Variants in DLEC1 observed in about 807,000 individuals in gnomAD.
DLEC1 encodes DLEC1 cilia and flagella associated protein, also known as deleted in lung and esophageal cancer protein 1.
In DLEC1, 146 loss-of-function variants were observed where a neutral mutation model predicts 198.1. That is an observed-to-expected ratio of 0.74 (90% CI 0.64 to 0.85). The LOEUF is 0.85. Among genes scored for constraint, DLEC1 ranks in the 40% least tolerant of loss-of-function variants. DLEC1 has a pLI of 0.00. For synonymous variants in DLEC1, 897 were observed against 866.8 expected (o/e 1.03, Z -0.61); for missense variants, 2,233 against 2,220.0 (o/e 1.01, Z -0.12).
At chr3:38,095,525 G>T (rs767330839) in intron 13 of DLEC1, 2 of 320,452 alleles carry the variant, frequency 6.2e-6, no homozygotes, top group South Asian at 4.3e-5. Flanking sequence ...GCCATTGTTA[G>T]TGGGTTTGGG....
At chr3:38,119,296 C>A (rs947824052) in intron 33 of DLEC1, among the ~76,000 whole-genome samples, 2 of 152,186 alleles carry the variant, frequency 1.3e-5, no homozygotes, top group Non-Finnish European at 2.9e-5. Flanking sequence ...ATCCCCTCCC[C>A]ACCTTGTCCT....
At chr3:38,054,097 C>T (rs1341971319) in intron 2 of DLEC1, among the ~76,000 whole-genome samples, 2 of 152,008 alleles carry the variant, frequency 1.3e-5, no homozygotes, top group Non-Finnish European at 2.9e-5. Flanking sequence ...ACCAGAGACC[C>T]TTGTTCACTT....
In DLEC1 at chr3:38,043,300, T is replaced by C. The variant is rs1700740056; in HGVS notation, c.412-2243T>C. ...TTAAATGAGTCAATACAGTAAAGCA[T>C]TTACAATATTGAGCATTTACAACAT... On this transcript the variant is annotated intron_variant, in intron 1 of 36. Coordinates refer to ENST00000308059, the MANE Select transcript of DLEC1 (RefSeq NM_007335.4). 2.0e-5 allele frequency among the ~76,000 whole-genome samples: 3 copies of C among 152,198 alleles called. No homozygotes were observed. The South Asian group carries it at 6.2e-4, about 32-fold the overall frequency.
chr3:38,100,758 A>C (rs1308377587), intron 19 of DLEC1, among the ~76,000 whole-genome samples: 1 of 152,202 alleles, frequency 6.6e-6, no homozygotes, highest in African/African-American at 2.4e-5. Context: ...TTATACATGC[A>C]CAGTGGGAGA....
At position 38,088,379 on chromosome 3, in the gene DLEC1, A is replaced by G. The variant is rs1412062468; in HGVS notation, c.1656A>G (p.Ile552Met). Residue 552 changes from isoleucine (I) to methionine (M), a missense_variant, in exon 10 of 37, where the codon ATA (isoleucine) becomes ATG (methionine). Ile to Met is a conservative substitution (Grantham distance 10, BLOSUM62 1). Transcript: ENST00000308059. The part of the protein sequence containing the change: ...SVFELAPGHA[I>M]LVEVLFSPKS... ...TTGAGCTGGCCCCGGGACATGCTAT[A>G]TTAGTGGAGGTAGGTAATCAGACAT... 5.0e-6 allele frequency: 8 copies of G among 1,612,418 alleles called. No homozygotes were observed. The African/African-American group carries it at 5.3e-5, about 11-fold the overall frequency.
intron 6 of DLEC1, among the ~76,000 whole-genome samples, chr3:38,083,151 C>T (rs1698148573): frequency 6.6e-6 from 1 of 151,652 alleles, no homozygotes; most frequent in Non-Finnish European, 1.5e-5. Context: ...GCTCATCGGT[C>T]TGAGGACCTG....
Position 38,056,104 on chromosome 3 carries a change from CACACACACACACAA to C in DLEC1, c.563-3636_563-3623del, listed in dbSNP as rs1243366495. Among the ~76,000 whole-genome samples, 5 of 123,110 alleles carry C rather than the reference CACACACACACACAA, an allele frequency of 4.1e-5. No homozygotes were observed. In the South Asian group the frequency reaches 9.1e-4, roughly 22 times the overall value. The allele number at this position is 123,110 out of a possible 152,430, so 80.8% of individuals were successfully genotyped here. On this transcript the variant is annotated intron_variant, in intron 2 of 36. Coordinates refer to ENST00000308059, the MANE Select transcript of DLEC1 (RefSeq NM_007335.4). ...ACACACACACACACACACACACACA[CACACACACACACAA>C]ATAGCTGAGTGTGGTGGCATGCGCC...
chr3:38,085,352 T>C lies in DLEC1; in HGVS notation c.1340T>C (p.Leu447Pro). 6.2e-7 allele frequency: 1 copy of C among 1,614,124 alleles called. No homozygotes were observed. ...QYIVQFFPDC[L>P]GDFDDFILVE... ...ATTGTCCAGTTTTTTCCCGACTGCC[T>C]TGGGGATTTTGATGATTTTATTTTA... Residue 447 changes from leucine to proline, a missense_variant, in exon 8 of 37, where the codon CTT (leucine) becomes CCT (proline). Leu to Pro is a moderately conservative substitution (Grantham distance 98, BLOSUM62 -3). Transcript: ENST00000308059.
Position 38,116,489 on chromosome 3 carries a change from A to G in DLEC1, c.3893A>G (p.Asp1298Gly), listed in dbSNP as rs866688898. 1 of 1,614,058 alleles carries G rather than the reference A, an allele frequency of 6.2e-7. No homozygotes were observed. Among genetic ancestry groups the G allele is most frequent in the Middle Eastern group, 1.7e-4 (1 of 6,058 alleles). The change falls in exon 28 of 37, where the codon GAC becomes GGC. Residue 1298 changes from aspartate to glycine, a missense_variant. Coordinates refer to ENST00000308059, the MANE Select transcript of DLEC1 (RefSeq NM_007335.4). ...RLDWETYVPE[D>G]KEDRLVELLV... ...GATTGGGAGACCTATGTTCCAGAAG[A>G]CAAGGAAGACCGGCTGGTGGAGCTG...
chr3:38,065,084 C>A (rs1047564472), intron 6 of DLEC1, among the ~76,000 whole-genome samples: 2 of 152,244 alleles, frequency 1.3e-5, no homozygotes, highest in African/African-American at 4.8e-5. Flanking sequence ...CGTCTGCAAT[C>A]CCGGCACCTC....
intron 13 of DLEC1, 54 bp downstream of exon 13, chr3:38,095,125 C>T: frequency 6.3e-7 from 1 of 1,586,584 alleles, no homozygotes; most frequent in Non-Finnish European, 8.6e-7. Flanking sequence ...GTATTTAGAC[C>T]CCCCACCTGT....
At position 38,097,745 on chromosome 3, in the gene DLEC1, G is replaced by A; in HGVS notation, c.2567G>A (p.Gly856Glu). 1 of 1,614,136 alleles carries A rather than the reference G, an allele frequency of 6.2e-7. No homozygotes were observed. Among genetic ancestry groups the A allele is most frequent in the Non-Finnish European group, 8.5e-7 (1 of 1,180,014 alleles). Residue 856 changes from glycine to glutamate, a missense_variant and splice_region_variant, in exon 18 of 37, where the codon GGG becomes GAG. Physicochemically the swap from Gly to Glu is moderately conservative, Grantham distance 98. Coordinates refer to ENST00000308059, the MANE Select transcript of DLEC1 (RefSeq NM_007335.4). The part of the protein sequence containing the change: ...VVLHIEAVFK[G>E]PALIINVSAL... ...TGACAGGCCCTCTGGGTGTCTCAGGGGCCTGCCCTCATCATCAACGTCTCA... is the reference window on the plus strand; with the variant it reads ...TGACAGGCCCTCTGGGTGTCTCAGGAGCCTGCCCTCATCATCAACGTCTCA...
intron 10 of DLEC1, among the ~76,000 whole-genome samples, chr3:38,091,360 G>T (rs1221277077): frequency 1.3e-5 from 2 of 152,104 alleles, no homozygotes; most frequent in African/African-American, 4.8e-5. Context: ...AGCTACTTGG[G>T]AGCTGAAGTG....
chr3:38,095,728 A>C, intron 13 of DLEC1, 160 bp from the exon 14 acceptor site: 1 of 792,536 alleles, frequency 1.3e-6, no homozygotes. Context: ...CACTTTTCCT[A>C]AGGAGGGGAG....
chr3:38,088,549 A>G (rs1213990625), intron 10 of DLEC1, among the ~76,000 whole-genome samples, 161 bp downstream of exon 10: 1 of 152,186 alleles, frequency 6.6e-6, no homozygotes, highest in Non-Finnish European at 1.5e-5. Context: ...GTCAGATGTC[A>G]TTTGACTGTC....
In DLEC1 at chr3:38,059,953, T is replaced by C. The variant is rs1339185488; in HGVS notation, c.673+101T>C. ...TGCCATTTCCTTGCTCAGAGGTTTT[T>C]TTCACCTTTTCTTTAATTTCGATGG... On this transcript the variant is annotated intron_variant, in intron 3 of 36. Transcript: ENST00000308059. The C allele has an allele frequency of 3.1e-6, 3 of 952,746 alleles. No individual in the cohort carries two copies. In the African/African-American group the frequency reaches 5.0e-5, roughly 16 times the overall value. 59.0% of individuals were successfully genotyped at this position (952,746 alleles called of 1,614,324 possible). A position where few individuals can be genotyped will look rare whatever the true frequency, so the allele number is the denominator to read the frequency against.
At position 38,062,775 on chromosome 3, in the gene DLEC1, A is replaced by G; in HGVS notation, c.1068A>G (p.Glu356=). 6.2e-7 allele frequency: 1 copy of G among 1,613,994 alleles called. No homozygotes were observed. The part of the protein sequence containing the change: ...FPPKKPAPIG[E]FQSTEPEQSC... Reference sequence around the variant, plus strand: ...CAAAGAAGCCAGCACCGATAGGAGAATTCCAGAGTACAGAGCCAGAACAGA... The same window carrying G: ...CAAAGAAGCCAGCACCGATAGGAGAGTTCCAGAGTACAGAGCCAGAACAGA... The change falls in exon 5 of 37, where the codon GAA becomes GAG. Residue 356 remains glutamate (E), a synonymous_variant. Coordinates refer to ENST00000308059, the MANE Select transcript of DLEC1 (RefSeq NM_007335.4).
intron 7 of DLEC1, among the ~76,000 whole-genome samples, chr3:38,084,478 T>G (rs1698290858): frequency 6.7e-6 from 1 of 149,464 alleles, no homozygotes; most frequent in African/African-American, 2.5e-5. Context: ...GTGGTGGTGG[T>G]GGTAGTAGTG....
In DLEC1 at chr3:38,094,827, G is replaced by A. The variant is rs530823518; in HGVS notation, c.1920-52G>A. 21 of 1,592,502 alleles carry A rather than the reference G, an allele frequency of 1.3e-5. No individual in the cohort carries two copies. The South Asian group carries it at 1.9e-4, about 15-fold the overall frequency. On this transcript the variant is annotated intron_variant, in intron 12 of 36. Transcript: ENST00000308059. ...AGGGCAGGGAGGCATGGGGTGGAGG[G>A]ACCTGGTCCCAGCAGAACTGGGACA...
Sources: allele counts gnomAD v4.1 joint callset (sites outside exome capture counted in the v4.1 genomes callset), GRCh38; gene constraint gnomAD v4.1.1; transcripts MANE v1.5; gene names NCBI Gene and HGNC (gene_info 2026-07-23, HGNC 2026-07-21).